The following DAB2 variants were observed in gnomAD, a reference collection of about 807,000 sequenced individuals.
The protein encoded by DAB2 is disabled homolog 2.
DAB2 carries 28 observed loss-of-function variants against 71.6 expected under a neutral mutation model. The ratio of observed to expected loss-of-function variants is 0.39; its 90% CI spans 0.29 to 0.54. DAB2 has a LOEUF of 0.54. Among genes scored for constraint, DAB2 ranks in the 20% least tolerant of loss-of-function variants. The pLI is 0.68. For synonymous variants in DAB2, 345 were observed against 339.7 expected, an observed-to-expected ratio of 1.02 and a Z score of -0.17; for missense variants, 867 against 928.8, an observed-to-expected ratio of 0.93 and a Z score of 0.86.
chr5:39,380,702 G>A (rs1384894039), intron 11 of DAB2, among the ~76,000 whole-genome samples: 3 of 152,140 alleles, frequency 2.0e-5, no homozygotes, highest in African/African-American at 4.8e-5. Context: ...AGTGATCAGC[G>A]GCTCACACAA....
chr5:39,415,727 T>C (rs1016789164), intron 1 of DAB2, among the ~76,000 whole-genome samples: 10 of 152,136 alleles, frequency 6.6e-5, no homozygotes, highest in Non-Finnish European at 1.3e-4. Flanking sequence ...TCATGATCAA[T>C]ACAAGTAGTG....
chr5:39,390,363 T>C (rs1755198635), intron 5 of DAB2, 81 bp downstream of exon 5: 1 of 1,481,430 alleles, frequency 6.8e-7, no homozygotes, highest in Non-Finnish European at 9.1e-7. Flanking sequence ...TTATTTCCAG[T>C]AAATCTTTTA....
intron 1 of DAB2, among the ~76,000 whole-genome samples, chr5:39,415,171 C>G (rs190009216): frequency 1.3e-5 from 2 of 152,106 alleles, no homozygotes; most frequent in African/African-American, 2.4e-5. Context: ...GGGTTAATAA[C>G]CCTCTTCAAC....
At chr5:39,396,648 G>T (rs149087199) in intron 1 of DAB2, among the ~76,000 whole-genome samples, 4 of 152,332 alleles carry the variant, frequency 2.6e-5, no homozygotes, top group Admixed American at 2.6e-4. Flanking sequence ...TTTAGGCAGT[G>T]AATTATTCAG....
In DAB2 at chr5:39,387,398, C is replaced by T. The variant is rs953641518; in HGVS notation, c.687+907G>A. 2.6e-5 allele frequency among the ~76,000 whole-genome samples: 4 copies of T among 152,266 alleles called. No individual in the cohort carries two copies. In the East Asian group the frequency reaches 5.8e-4, roughly 22 times the overall value. On this transcript the variant is annotated intron_variant, in intron 9 of 14. Transcript: ENST00000320816. ...ATCTAGAAACTCACTCCTGCAGAAG[C>T]ATTACCTGAATCTGAACTAGATAAA...
intron 10 of DAB2, 97 bp downstream of exon 10, chr5:39,382,521 G>A: frequency 7.6e-7 from 1 of 1,317,786 alleles, no homozygotes; most frequent in South Asian, 1.4e-5. Context: ...AGCAACACAG[G>A]AAACTACGAG....
intron 1 of DAB2, among the ~76,000 whole-genome samples, chr5:39,406,940 T>C (rs7735663): frequency 0.028 from 4,229 of 152,314 alleles, 110 homozygotes; most frequent in African/African-American, 0.066. Context: ...ACTCTGGAAC[T>C]GATACAAAAC....
intron 1 of DAB2, among the ~76,000 whole-genome samples, chr5:39,394,724 A>T (rs1276655145): frequency 6.7e-6 from 1 of 149,680 alleles, no homozygotes; most frequent in African/African-American, 2.5e-5. Context: ...AGCAAGTATT[A>T]AAGATAGGGA....
At chr5:39,395,969 G>A (rs574900777) in intron 1 of DAB2, among the ~76,000 whole-genome samples, 10 of 42,920 alleles carry the variant, frequency 2.3e-4, no homozygotes, top group East Asian at 2.1e-3. Context: ...TTGAGACGGA[G>A]TCTTGCTGTG....
chr5:39,416,980 CA>C (rs1755862144), intron 1 of DAB2, among the ~76,000 whole-genome samples: 1 of 152,128 alleles, frequency 6.6e-6, no homozygotes, highest in South Asian at 2.1e-4. Context: ...AATCTCCACT[CA>C]AACACATTCT....
chr5:39,384,427 T>G (rs1755050354), intron 9 of DAB2, among the ~76,000 whole-genome samples: 1 of 152,216 alleles, frequency 6.6e-6, no homozygotes, highest in South Asian at 2.1e-4. Flanking sequence ...CAAAATATTA[T>G]ATTGTACCGT....
In DAB2 at chr5:39,376,099, T is replaced by C; in HGVS notation, c.2145A>G (p.Pro715=). 1 of 1,613,888 alleles carries C rather than the reference T, an allele frequency of 6.2e-7. No homozygotes were observed. The highest frequency in any genetic ancestry group is 8.5e-7 in the Non-Finnish European group (1 of 1,179,866). The part of the protein sequence containing the change: ...NQLLNKINEP[P]KPAPRQVSLP... ...GGGAAACTTGTCTGGGAGCTGGCTT[T>C]GGTGGTTCTAGAAGGTAAAAAATCC... is the stretch of plus-strand genomic sequence containing the variant. Residue 715 remains proline (P), a synonymous_variant, in exon 13 of 15, where the codon CCA becomes CCG. Coordinates refer to ENST00000320816, the MANE Select transcript of DAB2 (RefSeq NM_001343.4).
At chr5:39,415,097 C>G (rs941028315) in intron 1 of DAB2, among the ~76,000 whole-genome samples, 8 of 151,998 alleles carry the variant, frequency 5.3e-5, no homozygotes, top group Admixed American at 5.2e-4. Flanking sequence ...AGTATTACAT[C>G]AAGGAATTAT....
At chr5:39,398,774 A>C (rs1755435272) in intron 1 of DAB2, among the ~76,000 whole-genome samples, 1 of 152,202 alleles carries the variant, frequency 6.6e-6, no homozygotes, top group Admixed American at 6.5e-5. Context: ...CATTTCTCCC[A>C]AGGTTTAAAG....
intron 1 of DAB2, among the ~76,000 whole-genome samples, chr5:39,420,048 T>C (rs1014669724): frequency 6.6e-6 from 1 of 152,176 alleles, no homozygotes; most frequent in African/African-American, 2.4e-5. Flanking sequence ...CTAGTTTAGA[T>C]ACAGCTGGAT....
intron 1 of DAB2, among the ~76,000 whole-genome samples, chr5:39,406,083 C>T: frequency 6.6e-6 from 1 of 152,142 alleles, no homozygotes; most frequent in East Asian, 1.9e-4. Flanking sequence ...GTGAACAAGT[C>T]TATAGAGTAA....
At chr5:39,405,214 T>C (rs1408192112) in intron 1 of DAB2, among the ~76,000 whole-genome samples, 2 of 152,202 alleles carry the variant, frequency 1.3e-5, no homozygotes, top group Non-Finnish European at 2.9e-5. Flanking sequence ...GTCCTTTTGG[T>C]CTTTTGATCA....
intron 3 of DAB2, 44 bp from the exon 4 acceptor site, chr5:39,392,507 A>T: frequency 1.4e-6 from 2 of 1,391,746 alleles, no homozygotes; most frequent in South Asian, 2.3e-5. Context: ...TTTTAAAAAC[A>T]TCCTACAATG....
At chr5:39,399,300 A>G (rs1321580598) in intron 1 of DAB2, among the ~76,000 whole-genome samples, 1 of 152,242 alleles carries the variant, frequency 6.6e-6, no homozygotes, top group Non-Finnish European at 1.5e-5. Flanking sequence ...TACAAATGAA[A>G]GCTCAAAAAC....
Sources: gnomAD v4.1 joint callset for allele counts (sites outside exome capture counted in the v4.1 genomes callset) on GRCh38, gnomAD v4.1.1 for gene constraint, MANE v1.5 for transcripts, NCBI Gene and HGNC (gene_info 2026-07-23, HGNC 2026-07-21) for gene names.